The following ANK2 variants were observed in gnomAD, a reference collection of about 807,000 sequenced individuals.
ANK2 encodes ankyrin-2.
A neutral mutation model predicts 360.5 loss-of-function variants in ANK2; 83 were observed. The observed-to-expected ratio is 0.23, with a 90% CI of 0.19 to 0.28. The LOEUF is 0.28. Among genes scored for constraint, ANK2 ranks in the 10% least tolerant of loss-of-function variants. The pLI is 1.00. For synonymous variants in ANK2, 1,740 were observed against 1,759.5 expected (o/e 0.99, Z 0.28); for missense variants, 4,201 against 4,795.7 (o/e 0.88, Z 3.66).
chr4:112,781,939 C>T, the ANK2 span, among the ~76,000 whole-genome samples: 1 of 149,704 alleles, frequency 6.7e-6, no homozygotes, highest in African/African-American at 2.5e-5. Context: ...AAGTGGTTCT[C>T]CTGCCTCTGC....
Position 113,357,557 on chromosome 4 carries a change from C to G in ANK2, c.8939C>G (p.Thr2980Ser). Residue 2980 changes from threonine to serine, a missense_variant, in exon 38 of 46, where the codon ACT (threonine) becomes AGT (serine). Thr to Ser is a moderately conservative substitution (Grantham distance 58, BLOSUM62 1). This residue lies in a region of ANK2 where 2,642 missense variants were observed against 2,714.5 expected (regional missense o/e 0.97). Transcript: ENST00000357077. ...GTAGTGGCAAGCTCCTCTAGTGGAA[C>G]TGTTTTAAGCAAAGAATCTAATTTT... is the stretch of plus-strand genomic sequence containing the variant. ...DVVVASSSSG[T>S]VLSKESNFEG... The G allele has an allele frequency of 6.2e-7, 1 of 1,614,112 alleles. No homozygotes were observed. The highest frequency in any genetic ancestry group is 8.5e-7 in the Non-Finnish European group (1 of 1,179,988).
rs547159819 is a variant in ANK2 at position 112,979,430 on chromosome 4, C to T, written c.21+74916C>T. Among the ~76,000 whole-genome samples, 26 of 152,314 alleles carry T rather than the reference C, an allele frequency of 1.7e-4. No individual in the cohort carries two copies. The South Asian group carries it at 4.1e-3, about 24-fold the overall frequency. ...CAAAGATGGTGTCACAGCCCTCGCT[C>T]GGAGAGCCCCTAGGTCTGGGCTCCC... On this transcript the variant is annotated intron_variant, in intron 2 of 30. Coordinates refer to the ANK2 transcript ENST00000503271.
At chr4:113,032,725 T>C (rs2060680478) in intron 2 of ANK2, among the ~76,000 whole-genome samples, 2 of 152,032 alleles carry the variant, frequency 1.3e-5, no homozygotes, top group Admixed American at 6.6e-5. Context: ...ATTAAATGCG[T>C]TGTATTTTTA....
intron 40 of ANK2, among the ~76,000 whole-genome samples, chr4:113,364,681 G>T (rs1230171487): frequency 6.6e-6 from 1 of 152,108 alleles, no homozygotes; most frequent in African/African-American, 2.4e-5. Context: ...ACAGAAGGGT[G>T]CCCAGTTAAA....
chr4:112,809,494 G>A, the ANK2 span, among the ~76,000 whole-genome samples: 3 of 148,292 alleles, frequency 2.0e-5, no homozygotes, highest in African/African-American at 5.0e-5. Flanking sequence ...CTGGGAGGCG[G>A]AGGTTGCAGT....
intron 2 of ANK2, among the ~76,000 whole-genome samples, chr4:113,021,539 A>AACATATATATATATATATAT (rs1554056691): frequency 9.2e-6 from 1 of 108,676 alleles, no homozygotes; most frequent in African/African-American, 3.7e-5. Context: ...CCCACACACA[A>AACATATATATATATATATAT]ACATATATAT....
chr4:113,190,498 G>A (rs1285036576), intron 2 of ANK2, among the ~76,000 whole-genome samples: 1 of 150,438 alleles, frequency 6.6e-6, no homozygotes, highest in Admixed American at 6.6e-5. Context: ...TTCTAATTTT[G>A]ATGTATTTGG....
At chr4:113,175,892 C>T (rs772419549) in intron 2 of ANK2, among the ~76,000 whole-genome samples, 3 of 152,168 alleles carry the variant, frequency 2.0e-5, no homozygotes, top group African/African-American at 4.8e-5. Flanking sequence ...ATGTTGAGAG[C>T]TACTTAATGT....
At chr4:112,903,658 A>G (rs2084215393) in intron 1 of ANK2, among the ~76,000 whole-genome samples, 1 of 152,230 alleles carries the variant, frequency 6.6e-6, no homozygotes, top group African/African-American at 2.4e-5. Context: ...AGTTAGCATA[A>G]CCTGATGTAA....
chr4:113,199,198 A>T lies in ANK2; in HGVS notation c.384+89A>T, dbSNP rs2098794268. 10 of 1,022,392 alleles carry T rather than the reference A, an allele frequency of 9.8e-6. No homozygotes were observed. The Admixed American group carries it at 1.7e-4, about 18-fold the overall frequency. The allele number at this position is 1,022,392 out of a possible 1,614,324, so 63.3% of individuals were successfully genotyped here. On this transcript the variant is annotated intron_variant, in intron 4 of 45. Coordinates refer to ENST00000357077, the MANE Select transcript of ANK2 (RefSeq NM_001148.6). ...TTTAATGTGTTTAGCTAGCTGTTCT[A>T]CTGATAAATTTATTATAAGTGCTTT...
intron 4 of ANK2, among the ~76,000 whole-genome samples, chr4:113,229,318 C>T (rs1277571827): frequency 1.3e-5 from 2 of 152,194 alleles, no homozygotes; most frequent in Non-Finnish European, 2.9e-5. Flanking sequence ...ACGCTGCATT[C>T]TTGGATCACG....
At chr4:113,294,964 G>C (rs529728806) in intron 22 of ANK2, among the ~76,000 whole-genome samples, 4 of 152,148 alleles carry the variant, frequency 2.6e-5, no homozygotes, top group South Asian at 4.1e-4. Context: ...ATCACAATAC[G>C]TGAAGCCTTT....
At chr4:112,929,387 G>C (rs934279323) in intron 2 of ANK2, among the ~76,000 whole-genome samples, 2 of 152,162 alleles carry the variant, frequency 1.3e-5, no homozygotes, top group Non-Finnish European at 2.9e-5. Flanking sequence ...GTTCTAAAAA[G>C]GGATTACAAT....
chr4:113,192,770 T>C (rs1244883967), intron 2 of ANK2, among the ~76,000 whole-genome samples: 1 of 152,046 alleles, frequency 6.6e-6, no homozygotes, highest in Non-Finnish European at 1.5e-5. Context: ...TATTCTTTCA[T>C]TCATCAAATA....
At chr4:113,292,300 A>G in intron 20 of ANK2, 116 bp from the exon 21 acceptor site, 2 of 969,468 alleles carry the variant, frequency 2.1e-6, no homozygotes, top group Non-Finnish European at 3.2e-6. Flanking sequence ...TTGGGCTCCA[A>G]ATAAAGCATC....
chr4:113,040,945 C>T (rs2154313976), intron 2 of ANK2, among the ~76,000 whole-genome samples: 1 of 152,186 alleles, frequency 6.6e-6, no homozygotes, highest in Middle Eastern at 3.4e-3. Context: ...AGGTCTCTTT[C>T]TGTTTAGGCA....
chr4:112,750,619 C>T, the ANK2 span, among the ~76,000 whole-genome samples: 2,511 of 152,100 alleles, frequency 0.017, 29 homozygotes, highest in Non-Finnish European at 0.024. Flanking sequence ...CCTTGAGTAA[C>T]GTGAAAGCAA....
intron 10 of ANK2, among the ~76,000 whole-genome samples, chr4:113,252,858 G>C (rs558207099): frequency 6.6e-6 from 1 of 152,290 alleles, no homozygotes; most frequent in East Asian, 1.9e-4. Context: ...CACACTAACT[G>C]TGCTCATTTT....
At chr4:113,170,297 CAT>C (rs1192291013) in intron 1 of ANK2, among the ~76,000 whole-genome samples, 1 of 152,172 alleles carries the variant, frequency 6.6e-6, no homozygotes, top group Non-Finnish European at 1.5e-5. Context: ...AGCATCTGAG[CAT>C]ATGTTAATAT....
Sources: gnomAD v4.1 joint callset for allele counts (sites outside exome capture counted in the v4.1 genomes callset) on GRCh38, gnomAD v4.1.1 for gene constraint, gnomAD v4.1.1 regional missense constraint, MANE v1.5 for transcripts, NCBI Gene and HGNC (gene_info 2026-07-23, HGNC 2026-07-21) for gene names.